APBB1IP: variants seen among roughly 807,000 people sequenced by gnomAD.
The protein encoded by APBB1IP is amyloid beta precursor protein binding family B member 1 interacting protein, also known as amyloid beta A4 precursor protein-binding family B member 1-interacting protein.
APBB1IP carries 27 observed loss-of-function variants against 64.9 expected under a neutral mutation model. The observed-to-expected ratio is 0.42, with a 90% CI of 0.31 to 0.57. The LOEUF is 0.57. Ranked by LOEUF, APBB1IP falls within the 20% of genes least tolerant of loss-of-function variation. The pLI, the probability that APBB1IP is intolerant of heterozygous loss-of-function variation, is 0.20. For missense variants in APBB1IP, 812 were observed against 845.5 expected (o/e 0.96, Z 0.49); for synonymous variants, 392 against 331.0 (o/e 1.18, Z -2.00).
At chr10:26,504,203 C>G (rs549871102) in intron 6 of APBB1IP, among the ~76,000 whole-genome samples, 1 of 152,320 alleles carries the variant, frequency 6.6e-6, no homozygotes, top group East Asian at 1.9e-4. Flanking sequence ...CAAGTTATAT[C>G]CCAGGGTACC....
chr10:26,454,133 A>C (rs1835495483), intron 2 of APBB1IP, among the ~76,000 whole-genome samples: 1 of 152,336 alleles, frequency 6.6e-6, no homozygotes, highest in Admixed American at 6.5e-5. Context: ...GTTCTCACTT[A>C]TTTATGGGAT....
At chr10:26,501,973 T>A (rs1836107116) in intron 5 of APBB1IP, 1 of 152,144 alleles carries the variant, frequency 6.6e-6, no homozygotes, top group East Asian at 1.9e-4. Context: ...TATAGAAAAT[T>A]TATGTGAAAA....
In APBB1IP at chr10:26,501,116, G is replaced by A; in HGVS notation, c.453+5G>A. 1 of 1,614,148 alleles carries A rather than the reference G, an allele frequency of 6.2e-7. No homozygotes were observed. The highest frequency in any genetic ancestry group is 2.2e-5 in the East Asian group (1 of 44,886). The stretch of plus-strand genomic sequence containing the variant: ...CCTCCTGAACCTCTCTCTCAGGTAA[G>A]TATGTGGGACCAGAGATGGCAGGAC... On this transcript the variant is annotated splice_donor_5th_base_variant and intron_variant, in intron 5 of 14. Transcript: ENST00000376236.
intron 6 of APBB1IP, among the ~76,000 whole-genome samples, chr10:26,510,987 C>T (rs1047595850): frequency 6.6e-6 from 1 of 151,996 alleles, no homozygotes; most frequent in Non-Finnish European, 1.5e-5. Context: ...TGTCTTCAGA[C>T]TCTTGGGTTG....
chr10:26,562,637 G>GA (rs907229650), intron 14 of APBB1IP, among the ~76,000 whole-genome samples: 21 of 149,346 alleles, frequency 1.4e-4, no homozygotes, highest in African/African-American at 2.5e-4. Flanking sequence ...GTCTCTACTA[G>GA]AAAAAAAAAA....
chr10:26,484,449 C>T (rs770506686), intron 2 of APBB1IP, among the ~76,000 whole-genome samples: 3 of 152,054 alleles, frequency 2.0e-5, no homozygotes, highest in Non-Finnish European at 4.4e-5. Context: ...ATTATAGGTG[C>T]GCACCACCAC....
At chr10:26,547,512 G>A (rs1836781358) in intron 11 of APBB1IP, among the ~76,000 whole-genome samples, 1 of 152,050 alleles carries the variant, frequency 6.6e-6, no homozygotes, top group East Asian at 1.9e-4. Context: ...CATGATCTCA[G>A]CTCACTGCAA....
intron 2 of APBB1IP, among the ~76,000 whole-genome samples, chr10:26,449,196 T>G (rs1365546285): frequency 6.6e-6 from 1 of 152,208 alleles, no homozygotes; most frequent in Non-Finnish European, 1.5e-5. Context: ...AAAGCGTGCC[T>G]GACCTACAAA....
At chr10:26,522,643 G>C (rs1836417504) in intron 8 of APBB1IP, among the ~76,000 whole-genome samples, 1 of 151,932 alleles carries the variant, frequency 6.6e-6, no homozygotes, top group South Asian at 2.1e-4. Context: ...GGACACTTAA[G>C]GGTTAAAAAA....
At chr10:26,550,690 A>G (rs532892320) in intron 11 of APBB1IP, among the ~76,000 whole-genome samples, 1 of 152,134 alleles carries the variant, frequency 6.6e-6, no homozygotes, top group Non-Finnish European at 1.5e-5. Flanking sequence ...GAGTTTTGTT[A>G]TAACAGCTAT....
At chr10:26,532,120 C>T (rs574713734) in intron 8 of APBB1IP, among the ~76,000 whole-genome samples, 2 of 152,156 alleles carry the variant, frequency 1.3e-5, no homozygotes, top group Non-Finnish European at 2.9e-5. Context: ...AGAAACACTC[C>T]TATGGTGTAA....
intron 11 of APBB1IP, among the ~76,000 whole-genome samples, chr10:26,555,598 G>A (rs1287937491): frequency 1.3e-5 from 2 of 152,000 alleles, no homozygotes; most frequent in Non-Finnish European, 2.9e-5. Flanking sequence ...TCCTCTTTTT[G>A]TTGTTTTTTT....
At chr10:26,483,295 A>T (rs933909164) in intron 2 of APBB1IP, among the ~76,000 whole-genome samples, 2 of 152,148 alleles carry the variant, frequency 1.3e-5, no homozygotes, top group Non-Finnish European at 2.9e-5. Context: ...ATATTTGATG[A>T]CTGACTTACT....
intron 6 of APBB1IP, among the ~76,000 whole-genome samples, chr10:26,507,469 C>A (rs567449115): frequency 1.1e-3 from 163 of 152,274 alleles, no homozygotes; most frequent in African/African-American, 3.5e-3. Flanking sequence ...TGCACTCCAG[C>A]CTGGGTGGCA....
chr10:26,513,740 G>A, intron 8 of APBB1IP, 80 bp downstream of exon 8: 1 of 1,486,522 alleles, frequency 6.7e-7, no homozygotes, highest in Non-Finnish European at 9.0e-7. Context: ...TCAAAGGCTG[G>A]AGACAGGGTC....
intron 2 of APBB1IP, among the ~76,000 whole-genome samples, chr10:26,484,808 G>A (rs1236070715): frequency 6.6e-6 from 1 of 150,424 alleles, no homozygotes; most frequent in Non-Finnish European, 1.5e-5. Context: ...TTTCTAGCAT[G>A]AAATTGTAAC....
In APBB1IP at chr10:26,565,814, T is replaced by C. The variant is rs573647774; in HGVS notation, c.1474-1147T>C. Among the ~76,000 whole-genome samples the C allele has an allele frequency of 4.0e-5, 6 of 151,750 alleles. No individual in the cohort carries two copies. The South Asian group carries it at 6.3e-4, about 16-fold the overall frequency. ...GTGGGATATGGGGAAGAGGAGAGAG[T>C]TGGGGAGAGAGTTGAGATCAAAAGA... On this transcript the variant is annotated intron_variant, in intron 14 of 14. Coordinates refer to ENST00000376236, the MANE Select transcript of APBB1IP (RefSeq NM_019043.4).
At chr10:26,509,097 TA>T (rs1360190668) in intron 6 of APBB1IP, among the ~76,000 whole-genome samples, 6 of 152,272 alleles carry the variant, frequency 3.9e-5, no homozygotes, top group African/African-American at 1.4e-4. Flanking sequence ...CCACAGAAAA[TA>T]AATCCTAGTA....
chr10:26,556,541 T>TTTTATGTTCAAAAGTCATTGC (rs1350986511), intron 11 of APBB1IP, among the ~76,000 whole-genome samples: 1 of 152,240 alleles, frequency 6.6e-6, no homozygotes, highest in African/African-American at 2.4e-5. Context: ...CAGGGGGCTG[T>TTTTATGTTCAAAAGTCATTGC]TTTATGTTCA....
Sources: gnomAD v4.1 joint callset for allele counts (sites outside exome capture counted in the v4.1 genomes callset) on GRCh38, gnomAD v4.1.1 for gene constraint, MANE v1.5 for transcripts, NCBI Gene and HGNC (gene_info 2026-07-23, HGNC 2026-07-21) for gene names.